Variants in CPM observed in about 807,000 individuals in gnomAD.
The protein encoded by CPM is renal carboxypeptidase.
A neutral mutation model predicts 46.4 loss-of-function variants in CPM; 35 were observed. The ratio of observed to expected loss-of-function variants is 0.75; its 90% confidence interval spans 0.58 to 1.00. CPM has a LOEUF of 1.00. CPM is among the 50% of genes least tolerant of loss of function. The probability of loss-of-function intolerance (pLI) is 0.00; values close to 1 mark genes in which losing one functional copy is unlikely to be tolerated. For synonymous variants in CPM, 195 were observed against 195.3 expected, an observed-to-expected ratio of 1.00 and a Z score of 0.01; for missense variants, 422 against 530.4, an observed-to-expected ratio of 0.80 and a Z score of 2.01.
At chr12:68,897,874 T>C (rs959446013) in intron 2 of CPM, among the ~76,000 whole-genome samples, 1 of 152,066 alleles carries the variant, frequency 6.6e-6, no homozygotes, top group African/African-American at 2.4e-5. Context: ...GCCCTATTGG[T>C]CTCACTCCGT....
chr12:68,856,738 C>A lies in CPM; in HGVS notation c.1090-59G>T, dbSNP rs1884991881. ...CTTAAGATGGTTCGTGGTGCCCACA[C>A]TGAAAACACTGATATCCATCACTAA... is the stretch of plus-strand genomic sequence containing the variant. On this transcript the variant is annotated intron_variant, in intron 8 of 8. Transcript: ENST00000551568. The A allele has an allele frequency of 1.3e-5, 21 of 1,572,556 alleles. No individual in the cohort carries two copies. The South Asian group carries it at 2.5e-4, about 18-fold the overall frequency.
At chr12:68,842,585 T>C (rs893861021) in intron 5 of CPM, 2 of 314,402 alleles carry the variant, frequency 6.4e-6, no homozygotes, top group African/African-American at 2.2e-5. Context: ...TTTACTGATA[T>C]GTTTGTAAAT....
chr12:68,901,631 C>T (rs1231980845), intron 2 of CPM, among the ~76,000 whole-genome samples: 2 of 152,202 alleles, frequency 1.3e-5, no homozygotes, highest in African/African-American at 4.8e-5. Flanking sequence ...TCTGGTCACT[C>T]AGTCATTAAT....
At chr12:68,929,952 A>G (rs1240443987) in intron 2 of CPM, among the ~76,000 whole-genome samples, 3 of 152,248 alleles carry the variant, frequency 2.0e-5, no homozygotes, top group Non-Finnish European at 4.4e-5. Flanking sequence ...CATATATTTA[A>G]GTTTTTACAA....
chr12:68,856,740 GAAAACACTGATATCCATCACTA>G, intron 8 of CPM, 61 bp from the exon 9 acceptor site: 3 of 1,572,654 alleles, frequency 1.9e-6, no homozygotes. Context: ...TGCCCACACT[GAAAACACTGATATCCATCACTA>G]AAATGCAGCC....
chr12:68,926,968 G>A (rs1177339877), intron 2 of CPM, among the ~76,000 whole-genome samples: 2 of 152,158 alleles, frequency 1.3e-5, no homozygotes, highest in African/African-American at 4.8e-5. Flanking sequence ...TATCGTTGTT[G>A]GACATTTGGG....
intron 2 of CPM, among the ~76,000 whole-genome samples, chr12:68,906,674 T>C (rs150607487): frequency 0.013 from 1,984 of 152,154 alleles, 22 homozygotes; most frequent in Non-Finnish European, 0.021. Context: ...GTATTTTTAG[T>C]AGAGACGGGT....
chr12:68,850,357 G>T (rs1052416595), downstream of CPM: 1 of 151,016 alleles, frequency 6.6e-6, no homozygotes, highest in African/African-American at 2.4e-5. Flanking sequence ...TTCTGCTTAA[G>T]AGGCTTCTAT....
chr12:68,960,467 G>T (rs1366533847), intron 1 of CPM, among the ~76,000 whole-genome samples: 3 of 152,148 alleles, frequency 2.0e-5, no homozygotes, highest in Non-Finnish European at 4.4e-5. Context: ...TGTTAGTATT[G>T]CAGTGCTCTA....
At chr12:68,892,463 C>T (rs1448841451) in intron 2 of CPM, among the ~76,000 whole-genome samples, 2 of 152,186 alleles carry the variant, frequency 1.3e-5, no homozygotes, top group Non-Finnish European at 2.9e-5. Flanking sequence ...AGTCACTCTG[C>T]CCCAGAGCTG....
chr12:68,886,399 G>A (rs1258996767), intron 2 of CPM, among the ~76,000 whole-genome samples: 1 of 151,944 alleles, frequency 6.6e-6, no homozygotes. Flanking sequence ...CTAGGAGGCC[G>A]AGGCGGGCAG....
At chr12:68,911,805 A>G (rs2136293288) in intron 2 of CPM, 2 of 152,340 alleles carry the variant, frequency 1.3e-5, no homozygotes, top group South Asian at 4.1e-4. Context: ...AGGCACAGAT[A>G]GGGTAAGACA....
At chr12:68,908,646 G>A (rs1415236742) in intron 2 of CPM, among the ~76,000 whole-genome samples, 1 of 152,064 alleles carries the variant, frequency 6.6e-6, no homozygotes, top group Non-Finnish European at 1.5e-5. Flanking sequence ...GGAGTTAGGT[G>A]CTAAACATAA....
chr12:68,887,251 A>G lies in CPM; in HGVS notation c.161-1362T>C, dbSNP rs180963873. On this transcript the variant is annotated intron_variant, in intron 2 of 8. Coordinates refer to ENST00000551568, the MANE Select transcript of CPM (RefSeq NM_198320.5). ...TGTTTGATATCCGTCATGTATGTAC[A>G]AAGTTTAAATATCTGTAATAATTAA... 1.6e-4 allele frequency among the ~76,000 whole-genome samples: 25 copies of G among 152,370 alleles called. No individual in the cohort carries two copies. The East Asian group carries it at 4.2e-3, about 26-fold the overall frequency.
intron 2 of CPM, among the ~76,000 whole-genome samples, chr12:68,924,050 C>T (rs1888148644): frequency 6.6e-6 from 1 of 151,062 alleles, no homozygotes; most frequent in African/African-American, 2.4e-5. Context: ...TGGCTCATTC[C>T]TTTAATCCTA....
intron 1 of CPM, among the ~76,000 whole-genome samples, chr12:68,962,792 C>T (rs1451615362): frequency 6.6e-6 from 1 of 152,194 alleles, no homozygotes; most frequent in African/African-American, 2.4e-5. Context: ...ACGATAAAAC[C>T]TTCGTCTCCA....
At chr12:68,867,653 A>C (rs1885511956) in intron 6 of CPM, among the ~76,000 whole-genome samples, 1 of 152,216 alleles carries the variant, frequency 6.6e-6, no homozygotes, top group Admixed American at 6.5e-5. Flanking sequence ...CAGACACTGG[A>C]GTGCAGGCCA....
intron 2 of CPM, among the ~76,000 whole-genome samples, chr12:68,907,444 T>C (rs560811589): frequency 1.2e-3 from 185 of 152,180 alleles, no homozygotes; most frequent in Non-Finnish European, 2.1e-3. Flanking sequence ...TAGTACCTCA[T>C]AGGGTTGTCA....
intron 2 of CPM, among the ~76,000 whole-genome samples, chr12:68,901,279 C>T (rs1887101255): frequency 1.3e-5 from 2 of 152,172 alleles, no homozygotes; most frequent in South Asian, 4.1e-4. Flanking sequence ...AGGTAAGAAA[C>T]TATGCCCCCA....
Sources: gnomAD v4.1 joint callset for allele counts (sites outside exome capture counted in the v4.1 genomes callset) on GRCh38, gnomAD v4.1.1 for gene constraint, MANE v1.5 for transcripts, NCBI Gene and HGNC (gene_info 2026-07-23, HGNC 2026-07-21) for gene names.